Variants in GABRA2 observed in about 807,000 individuals in gnomAD.
GABRA2 encodes gamma-aminobutyric acid receptor subunit alpha-2.
Under a neutral mutation model 48.7 loss-of-function variants are expected in GABRA2, and 16 were observed. The ratio of observed to expected loss-of-function variants is 0.33; its 90% CI spans 0.22 to 0.50. GABRA2 has a LOEUF of 0.50. GABRA2 is among the 20% of genes least tolerant of loss of function. The pLI is 0.98. For missense variants in GABRA2, 275 were observed against 535.6 expected, an observed-to-expected ratio of 0.51 and a Z score of 4.80; for synonymous variants, 185 against 184.5, an observed-to-expected ratio of 1.00 and a Z score of -0.02.
At position 46,285,253 on chromosome 4, in the gene GABRA2, T is replaced by C. The variant is rs184975559; in HGVS notation, c.856+18207A>G. Among the ~76,000 whole-genome samples, 40 of 152,208 alleles carry C rather than the reference T, an allele frequency of 2.6e-4. No individual in the cohort carries two copies. The East Asian group carries it at 7.3e-3, about 28-fold the overall frequency. On this transcript the variant is annotated intron_variant, in intron 8 of 9. Coordinates refer to ENST00000381620, the MANE Select transcript of GABRA2 (RefSeq NM_000807.4). The stretch of plus-strand genomic sequence containing the variant: ...ACTTTTATCACCTGACAACCTCAAC[T>C]TACATAATGTATGATTTTTGAATCC...
At chr4:46,256,177 G>T in intron 9 of GABRA2, 3 of 625,210 alleles carry the variant, frequency 4.8e-6, no homozygotes, top group South Asian at 1.9e-5. Flanking sequence ...CATCCTGACT[G>T]AGAAAAGTGA....
intron 4 of GABRA2, among the ~76,000 whole-genome samples, chr4:46,318,324 A>T (rs1728887229): frequency 6.6e-6 from 1 of 151,212 alleles, no homozygotes; most frequent in African/African-American, 2.4e-5. Context: ...TTAGTGTAAA[A>T]TATAGGTATA....
intron 4 of GABRA2, among the ~76,000 whole-genome samples, chr4:46,319,498 C>T (rs188595520): frequency 1.7e-3 from 257 of 151,688 alleles, no homozygotes; most frequent in Non-Finnish European, 7.5e-4. Context: ...TAATGAAGCT[C>T]GAATACTTTC....
In GABRA2 at chr4:46,360,301, T is replaced by C. The variant is rs530448367; in HGVS notation, c.187+25773A>G. Reference sequence around the variant, plus strand: ...GAATTGTAACTCCCATAATTCCCAGTTTTCTTGGGAGGAATCCAGTGGGAG... The same window carrying C: ...GAATTGTAACTCCCATAATTCCCAGCTTTCTTGGGAGGAATCCAGTGGGAG... On this transcript the variant is annotated intron_variant, in intron 3 of 9. Coordinates refer to ENST00000381620, the MANE Select transcript of GABRA2 (RefSeq NM_000807.4). 2.6e-5 allele frequency among the ~76,000 whole-genome samples: 4 copies of C among 152,296 alleles called. No homozygotes were observed. The South Asian group carries it at 8.3e-4, about 32-fold the overall frequency.
intron 3 of GABRA2, among the ~76,000 whole-genome samples, chr4:46,384,071 T>C (rs111626405): frequency 6.6e-6 from 1 of 152,302 alleles, no homozygotes; most frequent in African/African-American, 2.4e-5. Flanking sequence ...AAGGTAACTA[T>C]ATCACAGCCA....
At chr4:46,377,383 T>C (rs1441764977) in intron 3 of GABRA2, among the ~76,000 whole-genome samples, 1 of 143,090 alleles carries the variant, frequency 7.0e-6, no homozygotes, top group Non-Finnish European at 1.5e-5. Flanking sequence ...ACCTCTGCCC[T>C]GCCGCCCCGT....
chr4:46,312,575 TTTTCCCATTGTG>T lies in GABRA2; in HGVS notation c.385_396del (p.His129_Lys132del). 6.2e-7 allele frequency: 1 copy of T among 1,602,020 alleles called. No individual in the cohort carries two copies. Among genetic ancestry groups the T allele is most frequent in the Non-Finnish European group, 8.5e-7 (1 of 1,176,094 alleles). ...ATTGTCATATTATGAGCTACTGATT[TTTTCCCATTGTG>T]AAAAAAGGTATCTGGAGTCCAGATT... On this transcript the variant is annotated inframe_deletion, in exon 5 of 10. Transcript: ENST00000381620.
chr4:46,331,441 A>T (rs970608225), intron 4 of GABRA2, among the ~76,000 whole-genome samples: 36 of 152,146 alleles, frequency 2.4e-4, no homozygotes, highest in Admixed American at 5.2e-4. Flanking sequence ...CTCCTATTAA[A>T]TTAGCTGATA....
intron 8 of GABRA2, among the ~76,000 whole-genome samples, chr4:46,275,754 A>G (rs1720363405): frequency 6.6e-6 from 1 of 152,134 alleles, no homozygotes; most frequent in South Asian, 2.1e-4. Context: ...ATGATTTCTT[A>G]TAGCTCCTTG....
chr4:46,326,452 A>T (rs1383030443), intron 4 of GABRA2, among the ~76,000 whole-genome samples: 1 of 151,810 alleles, frequency 6.6e-6, no homozygotes, highest in Non-Finnish European at 1.5e-5. Flanking sequence ...ATATCTGATG[A>T]AAGCACAGCA....
At chr4:46,260,641 C>A (rs1326549123) in intron 9 of GABRA2, 1 of 151,654 alleles carries the variant, frequency 6.6e-6, no homozygotes, top group Non-Finnish European at 1.5e-5. Flanking sequence ...AACCAATATA[C>A]CTTAAAAAAT....
Position 46,243,845 on chromosome 4 carries a change from GTAT to G in GABRA2, c.*6460_*6462del, listed in dbSNP as rs1560412182. ...CCTCACATTCTCTCTGCATGTGATC[GTAT>G]TATTAATTTGTAGCAAAGGAAAAAT... On this transcript the variant is annotated 3_prime_UTR_variant, in exon 10 of 10. Transcript: ENST00000381620. 6.6e-6 allele frequency: 1 copy of G among 151,438 alleles called. No homozygotes were observed. Among genetic ancestry groups the G allele is most frequent in the Admixed American group, 6.6e-5 (1 of 15,160 alleles). 9.4% of individuals were successfully genotyped at this position (151,438 alleles called of 1,614,324 possible).
intron 8 of GABRA2, among the ~76,000 whole-genome samples, chr4:46,299,501 G>A (rs1725353667): frequency 6.6e-6 from 1 of 151,598 alleles, no homozygotes; most frequent in South Asian, 2.1e-4. Flanking sequence ...TATAGTTAGT[G>A]GCATAGTCTC....
intron 7 of GABRA2, 81 bp from the exon 8 acceptor site, chr4:46,303,693 A>C: frequency 8.1e-7 from 1 of 1,237,922 alleles, no homozygotes; most frequent in Non-Finnish European, 1.1e-6. Context: ...CAGAGGTAGA[A>C]CAAAAACTGA....
chr4:46,360,073 G>A (rs1424070230), intron 3 of GABRA2, among the ~76,000 whole-genome samples: 3 of 152,110 alleles, frequency 2.0e-5, no homozygotes, highest in African/African-American at 7.2e-5. Flanking sequence ...ATTCCTCCTG[G>A]CTCTTTGAAA....
At position 46,259,431 on chromosome 4, in the gene GABRA2, TAA is replaced by T. The variant is rs1716508123; in HGVS notation, c.1059+2493_1059+2494del. On this transcript the variant is annotated intron_variant, in intron 9 of 9. Coordinates refer to ENST00000381620, the MANE Select transcript of GABRA2 (RefSeq NM_000807.4). ...CACAGAGCAAGGTAGCTCTGCCTTT[TAA>T]TATAGGGCTCAAATGTAGCTTGAGT... Among the ~76,000 whole-genome samples the T allele has an allele frequency of 7.9e-5, 12 of 151,992 alleles. 1 individual carries two copies. In the South Asian group the frequency reaches 2.3e-3, roughly 29 times the overall value.
chr4:46,332,939 A>G (rs931540646), intron 3 of GABRA2, among the ~76,000 whole-genome samples: 5 of 152,160 alleles, frequency 3.3e-5, no homozygotes, highest in African/African-American at 1.2e-4. Flanking sequence ...GCGCATCCTC[A>G]TTTATATTGC....
At chr4:46,377,991 G>A (rs1436602683) in intron 3 of GABRA2, among the ~76,000 whole-genome samples, 3 of 150,588 alleles carry the variant, frequency 2.0e-5, no homozygotes, top group Non-Finnish European at 3.0e-5. Context: ...AGGTGGGGGG[G>A]TCAGCCCCCC....
intron 8 of GABRA2, among the ~76,000 whole-genome samples, chr4:46,273,501 GCATATATATATA>G (rs1719841421): frequency 6.6e-5 from 1 of 15,180 alleles, no homozygotes; most frequent in Non-Finnish European, 1.5e-4. Context: ...ATATATATAT[GCATATATATATA>G]TATATATATA....
Sources: allele counts gnomAD v4.1 joint callset (sites outside exome capture counted in the v4.1 genomes callset), GRCh38; gene constraint gnomAD v4.1.1; transcripts MANE v1.5; gene names NCBI Gene and HGNC (gene_info 2026-07-23, HGNC 2026-07-21).